SRPX: variants seen among roughly 807,000 people sequenced by gnomAD.
The protein encoded by SRPX is sushi repeat containing protein X-linked.
SRPX carries 24 observed loss-of-function variants against 38.1 expected under a neutral mutation model. The ratio of observed to expected loss-of-function variants is 0.63; its 90% confidence interval spans 0.46 to 0.89. SRPX has a LOEUF of 0.89. Among genes scored for constraint, SRPX ranks in the 40% least tolerant of loss-of-function variants. The probability of loss-of-function intolerance (pLI) is 0.00; values close to 1 mark genes in which losing one functional copy is unlikely to be tolerated. For missense variants in SRPX, 416 were observed against 377.8 expected, an observed-to-expected ratio of 1.10 and a Z score of -0.84; for synonymous variants, 184 against 153.8, an observed-to-expected ratio of 1.20 and a Z score of -1.45.
chrX:38,172,400 C>A (rs1488777783), intron 3 of SRPX, among the ~76,000 whole-genome samples: 2 of 113,192 alleles, frequency 1.8e-5, no homozygotes, highest in Non-Finnish European at 3.7e-5. Context: ...TTGCGGCGAG[C>A]TGAGATTGCG....
chrX:38,154,512 A>T lies in SRPX; in HGVS notation c.1161T>A (p.Ile387=), dbSNP rs756628822. The T allele has an allele frequency of 8.3e-7, 1 of 1,205,830 alleles. No homozygotes were observed. Among genetic ancestry groups the T allele is most frequent in the Non-Finnish European group, 1.1e-6 (1 of 893,167 alleles). Residue 387 remains isoleucine, a synonymous_variant, in exon 9 of 10, where the codon ATT becomes ATA. Transcript: ENST00000378533. ...VELVGVFPTL[I]GRIGAKIMPP... ...GCATAATCTTTGCTCCTATCCTGCC[A>T]ATGAGAGTCGGGAACACACCCACCA...
Position 38,171,949 on chromosome X carries a change from A to G in SRPX, c.458T>C (p.Leu153Ser). The G allele has an allele frequency of 5.0e-6, 6 of 1,211,525 alleles. No homozygotes were observed. The highest frequency in any genetic ancestry group is 2.3e-4 in the Middle Eastern group (1 of 4,355). Residue 153 changes from leucine (L) to serine (S), a missense_variant, in exon 4 of 10, where the codon TTG becomes TCG. Transcript: ENST00000378533. ...ACATGTGACGGTCCGCTCCCCTTTC[A>G]ACGTGTATCCTGGTGAACAATAATA... ...CEYYCSPGYT[L>S]KGERTVTCMD...
intron 1 of SRPX, among the ~76,000 whole-genome samples, chrX:38,192,415 G>C (rs1336866744): frequency 4.5e-5 from 5 of 111,177 alleles, no homozygotes; most frequent in Non-Finnish European, 9.4e-5. Context: ...TCTCATGCCC[G>C]CTGTCCCCTG....
At chrX:38,167,367 C>G (rs1029118400) in intron 4 of SRPX, among the ~76,000 whole-genome samples, 8 of 111,327 alleles carry the variant, frequency 7.2e-5, no homozygotes, top group Non-Finnish European at 1.3e-4. Flanking sequence ...CCTTGAAGAG[C>G]CTCTGCAGGA....
chrX:38,162,916 TA>T (rs1159352240), intron 5 of SRPX, among the ~76,000 whole-genome samples: 1 of 112,940 alleles, frequency 8.9e-6, no homozygotes, highest in African/African-American at 3.2e-5. Context: ...TGTAGACAAA[TA>T]GAGTCATCTG....
In SRPX at chrX:38,160,081, C is replaced by T. The variant is rs751546655; in HGVS notation, c.891G>A (p.Gln297=). Reference sequence around the variant, plus strand: ...ATTGACATACTCGGGCAGGGCTACCCTGGAGCTCATAGCCGCCGATGCAGG... The same window carrying T: ...ATTGACATACTCGGGCAGGGCTACCTTGGAGCTCATAGCCGCCGATGCAGG... ...EFSCIGGYEL[Q]GSPARVCQSN... is the part of the protein sequence containing the mutation. Residue 297 remains glutamine (Q), a synonymous_variant, in exon 7 of 10, where the codon CAG becomes CAA. Coordinates refer to ENST00000378533, the MANE Select transcript of SRPX (RefSeq NM_006307.5). 4 of 1,210,232 alleles carry T rather than the reference C, an allele frequency of 3.3e-6. No homozygotes were observed. The highest frequency in any genetic ancestry group is 3.0e-5 in the East Asian group (1 of 33,779).
At chrX:38,183,054 GAT>G (rs1491129415) in intron 1 of SRPX, among the ~76,000 whole-genome samples, 2 of 73,263 alleles carry the variant, frequency 2.7e-5, no homozygotes, top group African/African-American at 8.7e-5. Flanking sequence ...ATTCTTGATA[GAT>G]TTTTTTTTTT....
At chrX:38,199,886 CTGTT>C (rs1396702592) in intron 1 of SRPX, among the ~76,000 whole-genome samples, 3 of 112,081 alleles carry the variant, frequency 2.7e-5, no homozygotes, top group African/African-American at 9.7e-5. Context: ...CATGTCAACA[CTGTT>C]TATTCAAAAG....
In SRPX at chrX:38,149,514, T is replaced by C; in HGVS notation, c.*197A>G. The C allele has an allele frequency of 2.5e-6, 1 of 392,224 alleles. No homozygotes were observed. The highest frequency in any genetic ancestry group is 6.6e-5 in the South Asian group (1 of 15,140). 32.3% of individuals were successfully genotyped at this position (392,224 alleles called of 1,213,427 possible). On this transcript the variant is annotated 3_prime_UTR_variant, in exon 10 of 10. Transcript: ENST00000378533. The stretch of plus-strand genomic sequence containing the variant: ...TAAAGAAAGTTAGAAAGAGTAAATA[T>C]GGTCATATAATTTTTTGAAACACTT...
intron 1 of SRPX, among the ~76,000 whole-genome samples, chrX:38,198,485 A>G (rs1481841527): frequency 8.9e-6 from 1 of 112,435 alleles, no homozygotes; most frequent in Non-Finnish European, 1.9e-5. Flanking sequence ...TGGAGCACAG[A>G]AAATGATAAA....
intron 1 of SRPX, among the ~76,000 whole-genome samples, chrX:38,184,236 T>C (rs1282226487): frequency 1.8e-5 from 2 of 111,947 alleles, no homozygotes; most frequent in African/African-American, 3.2e-5. Context: ...TACATAGTTC[T>C]TTATTGATTA....
Position 38,163,264 on chromosome X carries a change from C to A in SRPX, c.653+1505G>T, listed in dbSNP as rs189702793. On this transcript the variant is annotated intron_variant, in intron 5 of 9. Transcript: ENST00000378533. ...GGGGAAGATTATTGGAATGTAGGAA[C>A]AAAATGTCCTGTCTCCTCTCACTAG... Among the ~76,000 whole-genome samples, 381 of 112,147 alleles carry A rather than the reference C, an allele frequency of 3.4e-3. 1 individual carries two copies. The highest frequency in any genetic ancestry group is 0.012 in the African/African-American group (368 of 30,898).
chrX:38,195,402 A>G (rs1165514805), intron 1 of SRPX, among the ~76,000 whole-genome samples: 12 of 85,576 alleles, frequency 1.4e-4, no homozygotes, highest in Admixed American at 1.3e-4. Flanking sequence ...TTTTTTTTTT[A>G]CCATACCCAT....
chrX:38,202,200 G>A (rs1444775145), intron 1 of SRPX, among the ~76,000 whole-genome samples: 1 of 111,958 alleles, frequency 8.9e-6, no homozygotes, highest in East Asian at 2.8e-4. Context: ...TAAGAGGGTA[G>A]GAAGACTCCT....
intron 4 of SRPX, among the ~76,000 whole-genome samples, chrX:38,168,591 C>A (rs1569206282): frequency 8.9e-6 from 1 of 112,332 alleles, no homozygotes; most frequent in Non-Finnish European, 1.9e-5. Flanking sequence ...CAACAGATCA[C>A]TGATGCAAAT....
intron 4 of SRPX, 32 bp from the exon 5 acceptor site, chrX:38,164,927 A>G: frequency 8.4e-7 from 1 of 1,187,140 alleles, no homozygotes; most frequent in Middle Eastern, 2.3e-4. Flanking sequence ...TCTCATCATC[A>G]TCAAGAAATA....
chrX:38,173,190 G>A (rs1267088080), intron 3 of SRPX, among the ~76,000 whole-genome samples: 1 of 112,148 alleles, frequency 8.9e-6, no homozygotes, highest in African/African-American at 3.2e-5. Context: ...AAATGTATGT[G>A]AAATTCTTGG....
intron 1 of SRPX, among the ~76,000 whole-genome samples, chrX:38,183,336 G>A (rs910173476): frequency 3.6e-5 from 4 of 112,415 alleles, no homozygotes; most frequent in Admixed American, 9.4e-5. Flanking sequence ...TTACAGGCAT[G>A]AGCCACTGCC....
chrX:38,213,572 T>G (rs756178588), intron 1 of SRPX, among the ~76,000 whole-genome samples: 1 of 111,858 alleles, frequency 8.9e-6, no homozygotes, highest in African/African-American at 3.3e-5. Context: ...ATATAAAGAA[T>G]AGCCCTGAGA....
Sources: allele counts gnomAD v4.1 joint callset (sites outside exome capture counted in the v4.1 genomes callset), GRCh38; gene constraint gnomAD v4.1.1; transcripts MANE v1.5; gene names NCBI Gene and HGNC (gene_info 2026-07-23, HGNC 2026-07-21).